The following LGR6 variants were observed in gnomAD, a reference collection of about 807,000 sequenced individuals.
The protein encoded by LGR6 is leucine-rich repeat-containing G protein-coupled receptor 6.
Under a neutral mutation model 69.4 loss-of-function variants are expected in LGR6, and 45 were observed. That is an observed-to-expected ratio of 0.65 (90% CI 0.51 to 0.83). The LOEUF (loss-of-function observed/expected upper bound fraction) is 0.83, where lower values mean the gene tolerates loss of function less well. Ranked by LOEUF, LGR6 falls within the 40% of genes least tolerant of loss-of-function variation. The probability of loss-of-function intolerance (pLI) is 0.00; values close to 1 mark genes in which losing one functional copy is unlikely to be tolerated. For synonymous variants in LGR6, 538 were observed against 555.0 expected, an observed-to-expected ratio of 0.97 and a Z score of 0.43; for missense variants, 1,108 against 1,246.7, an observed-to-expected ratio of 0.89 and a Z score of 1.68.
Position 202,304,549 on chromosome 1 carries a change from C to G in LGR6, c.999-10C>G. 1 of 1,594,188 alleles carries G rather than the reference C, an allele frequency of 6.3e-7. No individual in the cohort carries two copies. The highest frequency in any genetic ancestry group is 8.6e-7 in the Non-Finnish European group (1 of 1,165,118). On this transcript the variant is annotated splice_polypyrimidine_tract_variant and intron_variant, in intron 10 of 17. Coordinates refer to ENST00000367278, the MANE Select transcript of LGR6 (RefSeq NM_001017403.2). Reference sequence around the variant, plus strand: ...GCCTGGTGCCAGCTCTGTCTCTGTTCTCCCTGCAGGACCCTGACCCGCGCA... The same window carrying G: ...GCCTGGTGCCAGCTCTGTCTCTGTTGTCCCTGCAGGACCCTGACCCGCGCA...
chr1:202,197,170 A>G (rs906123990), intron 1 of LGR6: 13 of 512,278 alleles, frequency 2.5e-5, no homozygotes, highest in Admixed American at 2.1e-5. Context: ...ATGACATCAC[A>G]TCTCTTCCCC....
chr1:202,236,053 C>A, intron 4 of LGR6, 60 bp downstream of exon 4: 1 of 1,421,244 alleles, frequency 7.0e-7, no homozygotes. Flanking sequence ...AGTCACAGCC[C>A]AGGGCCCCCT....
At chr1:202,228,286 T>C (rs1012318302) in intron 3 of LGR6, among the ~76,000 whole-genome samples, 18 of 152,224 alleles carry the variant, frequency 1.2e-4, no homozygotes, top group African/African-American at 4.3e-4. Flanking sequence ...ACCATCGACA[T>C]AGGTCTTTGT....
chr1:202,311,315 T>C (rs747268839), intron 16 of LGR6, among the ~76,000 whole-genome samples: 6 of 152,230 alleles, frequency 3.9e-5, no homozygotes, highest in Admixed American at 6.5e-5. Flanking sequence ...TTGGATTGCA[T>C]TGGACCAGTC....
intron 16 of LGR6, among the ~76,000 whole-genome samples, chr1:202,313,419 C>G (rs929866619): frequency 2.0e-5 from 3 of 152,114 alleles, no homozygotes; most frequent in Admixed American, 2.0e-4. Flanking sequence ...CCCTGACCCC[C>G]CAAAGTAATC....
At chr1:202,246,987 T>C (rs1420369607) in intron 4 of LGR6, among the ~76,000 whole-genome samples, 1 of 152,228 alleles carries the variant, frequency 6.6e-6, no homozygotes, top group Non-Finnish European at 1.5e-5. Flanking sequence ...AGCCATGACT[T>C]TAGACTGTGC....
At chr1:202,245,525 T>C (rs1467982745) in intron 4 of LGR6, among the ~76,000 whole-genome samples, 2 of 152,152 alleles carry the variant, frequency 1.3e-5, no homozygotes, top group African/African-American at 4.8e-5. Flanking sequence ...CTCCTCAGCC[T>C]TCCTGCTAGC....
intron 4 of LGR6, chr1:202,236,258 G>A: frequency 3.9e-6 from 2 of 510,494 alleles, no homozygotes; most frequent in Non-Finnish European, 7.0e-6. Flanking sequence ...ACCTCCCTAG[G>A]TGAGGCCACC....
Position 202,318,582 on chromosome 1 carries a change from G to A in LGR6, c.2279G>A (p.Arg760Gln), listed in dbSNP as rs1023605716. Residue 760 changes from arginine to glutamine, a missense_variant, in exon 18 of 18, where the codon CGG becomes CAG. Coordinates refer to ENST00000367278, the MANE Select transcript of LGR6 (RefSeq NM_001017403.2). ...AYIKLYCDLP[R>Q]GDFEAVWDCA... ...ATCAAACTGTACTGTGACCTGCCGC[G>A]GGGCGACTTTGAGGCCGTGTGGGAC... The A allele has an allele frequency of 2.6e-5, 42 of 1,613,954 alleles. No individual in the cohort carries two copies. The Admixed American group carries it at 3.3e-4, about 13-fold the overall frequency.
intron 1 of LGR6, among the ~76,000 whole-genome samples, chr1:202,209,429 A>G (rs1659378351): frequency 6.6e-6 from 1 of 152,168 alleles, no homozygotes; most frequent in Non-Finnish European, 1.5e-5. Flanking sequence ...TAGTCCAGGC[A>G]ACATCTTTGT....
At chr1:202,304,741 G>A in intron 11 of LGR6, 111 bp downstream of exon 11, 3 of 829,074 alleles carry the variant, frequency 3.6e-6, no homozygotes, top group Non-Finnish European at 5.8e-6. Context: ...CCTGGAGAAT[G>A]GAGCAGCATA....
intron 12 of LGR6, 83 bp downstream of exon 12, chr1:202,305,832 A>G: frequency 9.5e-7 from 1 of 1,055,732 alleles, no homozygotes; most frequent in Non-Finnish European, 1.5e-6. Context: ...GGGGGGCATC[A>G]GTAAGGGCCA....
chr1:202,238,072 G>GT (rs910777300), intron 4 of LGR6, among the ~76,000 whole-genome samples: 6 of 151,372 alleles, frequency 4.0e-5, no homozygotes, highest in East Asian at 1.9e-4. Context: ...ATCCTCCGCC[G>GT]TTTTTTTGTT....
Position 202,265,874 on chromosome 1 carries a change from G to C in LGR6, c.429-10432G>C, listed in dbSNP as rs150276293. Among the ~76,000 whole-genome samples, 238 of 152,294 alleles carry C rather than the reference G, an allele frequency of 1.6e-3. 2 individuals carry two copies. Among genetic ancestry groups the C allele is most frequent in the African/African-American group, 5.1e-3 (214 of 41,574 alleles). On this transcript the variant is annotated intron_variant, in intron 4 of 17. Transcript: ENST00000367278. ...GAGGGGACATAGCCCGCGTCTTCAGGGGTCTTCCCATGTAATGGGGGAGAA... is the reference window on the plus strand; with the variant it reads ...GAGGGGACATAGCCCGCGTCTTCAGCGGTCTTCCCATGTAATGGGGGAGAA...
At chr1:202,200,651 C>T (rs1015884158) in intron 1 of LGR6, among the ~76,000 whole-genome samples, 7 of 152,194 alleles carry the variant, frequency 4.6e-5, no homozygotes, top group Non-Finnish European at 7.3e-5. Context: ...TTCTGAGAAT[C>T]GTGGGGTCCC....
chr1:202,290,649 G>A (rs1192679471), intron 6 of LGR6, among the ~76,000 whole-genome samples: 2 of 152,196 alleles, frequency 1.3e-5, no homozygotes, highest in Non-Finnish European at 2.9e-5. Context: ...GAGGTGGGCG[G>A]ATCGCCTGAG....
chr1:202,236,740 A>G (rs950933659), intron 4 of LGR6, among the ~76,000 whole-genome samples: 2 of 152,100 alleles, frequency 1.3e-5, no homozygotes, highest in East Asian at 1.9e-4. Flanking sequence ...GAGTGAACAG[A>G]TATTTTGGGA....
rs1340286770 is a variant in LGR6, at chr1:202,301,214, A to G, written c.908A>G (p.Tyr303Cys). The G allele has an allele frequency of 6.2e-7, 1 of 1,614,048 alleles. No individual in the cohort carries two copies. Among genetic ancestry groups the G allele is most frequent in the African/African-American group, 1.3e-5 (1 of 74,920 alleles). Residue 303 changes from tyrosine (Y) to cysteine (C), a missense_variant, in exon 9 of 18, where the codon TAC becomes TGC. Transcript: ENST00000367278. ...TTTGTGGGAAGATCGGCATTCCAGT[A>G]CCTGCCTAAACTCCACACACTGTAA... The part of the protein sequence containing the change: ...IQFVGRSAFQ[Y>C]LPKLHTLSLN...
intron 1 of LGR6, among the ~76,000 whole-genome samples, chr1:202,216,174 G>C (rs1659768052): frequency 6.6e-6 from 1 of 152,248 alleles, no homozygotes; most frequent in African/African-American, 2.4e-5. Context: ...AAAGTTGGAG[G>C]CTTCTTGCAG....
Sources: allele counts gnomAD v4.1 joint callset (sites outside exome capture counted in the v4.1 genomes callset), GRCh38; gene constraint gnomAD v4.1.1; transcripts MANE v1.5; gene names NCBI Gene and HGNC (gene_info 2026-07-23, HGNC 2026-07-21).